Variants in RFPL1 observed in about 807,000 individuals in gnomAD.
The protein encoded by RFPL1 is ret finger protein-like 1.
Under a neutral mutation model 9.6 loss-of-function variants are expected in RFPL1, and 6 were observed. That is an observed-to-expected ratio of 0.62 (90% CI 0.34 to 1.23). The LOEUF (loss-of-function observed/expected upper bound fraction) is 1.23. RFPL1 is among the 50% of genes most tolerant of loss of function. The probability of loss-of-function intolerance (pLI) is 0.03; values close to 1 mark genes in which losing one functional copy is unlikely to be tolerated. For missense variants in RFPL1, 352 were observed against 398.4 expected, an observed-to-expected ratio of 0.88 and a Z score of 0.99; for synonymous variants, 145 against 149.4, an observed-to-expected ratio of 0.97 and a Z score of 0.22.
chr22:29,410,613 C>CTATATATAGATATATATAGATATATA, the RFPL1 span, among the ~76,000 whole-genome samples: 2,744 of 127,006 alleles, frequency 0.022, 74 homozygotes, highest in South Asian at 0.044. Flanking sequence ...ATAGATATAT[C>CTATATATAGATATATATAGATATATA]TATCTATATA....
chr22:29,430,205 G>T, the RFPL1 span, among the ~76,000 whole-genome samples: 2 of 152,024 alleles, frequency 1.3e-5, no homozygotes, highest in African/African-American at 2.4e-5. Context: ...GATGATTTTT[G>T]GGGGGCAGTG....
At chr22:29,412,725 T>C in the RFPL1 span, among the ~76,000 whole-genome samples, 1 of 152,160 alleles carries the variant, frequency 6.6e-6, no homozygotes, top group Non-Finnish European at 1.5e-5. Context: ...AGATCACCCC[T>C]GGGCTGGTAT....
At chr22:29,432,855 TG>T in the RFPL1 span, 5 of 152,238 alleles carry the variant, frequency 3.3e-5, no homozygotes. Context: ...TATGTCTCTA[TG>T]CATGTAAAAG....
chr22:29,405,412 T>C, the RFPL1 span, among the ~76,000 whole-genome samples: 2 of 152,178 alleles, frequency 1.3e-5, no homozygotes, highest in Non-Finnish European at 2.9e-5. Flanking sequence ...AATCCCAGAC[T>C]GTGCATCATA....
At chr22:29,402,242 T>C in the RFPL1 span, among the ~76,000 whole-genome samples, 1 of 152,104 alleles carries the variant, frequency 6.6e-6, no homozygotes, top group South Asian at 2.1e-4. Flanking sequence ...ATCCATAAAA[T>C]GGAATGGTTT....
the RFPL1 span, among the ~76,000 whole-genome samples, chr22:29,390,436 A>C: frequency 6.6e-6 from 1 of 152,080 alleles, no homozygotes; most frequent in Non-Finnish European, 1.5e-5. Context: ...GGAAATTGCA[A>C]AATTAGTACC....
At chr22:29,395,625 C>T in the RFPL1 span, among the ~76,000 whole-genome samples, 4 of 152,342 alleles carry the variant, frequency 2.6e-5, no homozygotes, top group African/African-American at 9.6e-5. Context: ...TTGAAGAGCT[C>T]TGCTCTCTCA....
At chr22:29,420,732 C>T in the RFPL1 span, among the ~76,000 whole-genome samples, 39 of 150,338 alleles carry the variant, frequency 2.6e-4, no homozygotes, top group African/African-American at 8.8e-4. Context: ...CTTCCACATC[C>T]CGGGTTCAAG....
At chr22:29,442,139 A>C (rs2062844162) in exon 2 of RFPL1, 1 of 1,506,930 alleles carries the variant, frequency 6.6e-7, no homozygotes, top group South Asian at 1.4e-5. Flanking sequence ...ACTGCAAAAA[A>C]ACAAAAAACA....
the RFPL1 span, among the ~76,000 whole-genome samples, chr22:29,393,124 A>G: frequency 1.3e-5 from 2 of 152,328 alleles, no homozygotes; most frequent in Non-Finnish European, 1.5e-5. Context: ...AAAGTCAGGG[A>G]AGTCTTCCTG....
the RFPL1 span, among the ~76,000 whole-genome samples, chr22:29,401,729 CAG>C: frequency 1.3e-5 from 2 of 152,238 alleles, no homozygotes; most frequent in East Asian, 3.8e-4. Context: ...CTCCACTGCG[CAG>C]AGTGACGTCA....
chr22:29,413,256 C>T, the RFPL1 span, among the ~76,000 whole-genome samples: 1 of 151,846 alleles, frequency 6.6e-6, no homozygotes, highest in African/African-American at 2.4e-5. Context: ...CATGCAATGG[C>T]CCAGCAGCCA....
the RFPL1 span, among the ~76,000 whole-genome samples, chr22:29,416,960 TTTTCTA>T: frequency 6.6e-6 from 1 of 152,184 alleles, no homozygotes; most frequent in East Asian, 1.9e-4. Context: ...TAGAGATCAA[TTTTCTA>T]TCTCTGGAAT....
the RFPL1 span, among the ~76,000 whole-genome samples, chr22:29,420,532 T>C: frequency 2.0e-5 from 3 of 151,294 alleles, no homozygotes; most frequent in Admixed American, 1.3e-4. Flanking sequence ...GGTTTCACCA[T>C]GTTGGCCAGG....
At chr22:29,437,716 C>T (rs1351581563), upstream of RFPL1, 2 of 1,587,786 alleles carry the variant, frequency 1.3e-6, no homozygotes, top group East Asian at 4.6e-5. Flanking sequence ...GACAGAGGAG[C>T]TTCCAGCAGA....
chr22:29,437,735 G>A, upstream of RFPL1: 11 of 1,584,246 alleles, frequency 6.9e-6, no homozygotes, highest in Non-Finnish European at 9.4e-6. Flanking sequence ...GAAGAGGTGA[G>A]CCCATGCCTG....
chr22:29,439,932 T>G (rs1244681369), intron 1 of RFPL1: 1 of 152,238 alleles, frequency 6.6e-6, no homozygotes, highest in Non-Finnish European at 1.5e-5. Flanking sequence ...GGGAAGAGTT[T>G]GGAATGGAGC....
At chr22:29,398,046 C>T in the RFPL1 span, among the ~76,000 whole-genome samples, 1 of 152,306 alleles carries the variant, frequency 6.6e-6, no homozygotes, top group East Asian at 1.9e-4. Flanking sequence ...GCAAGCTGCA[C>T]CTGTCAGAGC....
chr22:29,434,263 G>C (rs1186192569), upstream of RFPL1, among the ~76,000 whole-genome samples: 1 of 152,154 alleles, frequency 6.6e-6, no homozygotes, highest in Non-Finnish European at 1.5e-5. Flanking sequence ...AACAGACATG[G>C]TTTCTGCCTT....
Sources: allele counts gnomAD v4.1 joint callset (sites outside exome capture counted in the v4.1 genomes callset), GRCh38; gene constraint gnomAD v4.1.1; transcripts MANE v1.5; gene names NCBI Gene and HGNC (gene_info 2026-07-23, HGNC 2026-07-21).